The following IL1RAPL1 variants were observed in gnomAD, a reference collection of about 807,000 sequenced individuals.
IL1RAPL1 encodes the protein interleukin 1 receptor accessory protein like 1, also known as interleukin-1 receptor accessory protein-like 1.
In IL1RAPL1, 3 loss-of-function variants were observed where a neutral mutation model predicts 48.4. That is an observed-to-expected ratio of 0.06 (90% CI 0.03 to 0.16). IL1RAPL1 has a LOEUF of 0.16. IL1RAPL1 is among the 10% of genes least tolerant of loss of function. IL1RAPL1 has a pLI of 1.00. For synonymous variants in IL1RAPL1, 185 were observed against 187.7 expected (o/e 0.99, Z 0.12); for missense variants, 349 against 530.6 (o/e 0.66, Z 3.36).
chrX:29,265,740 C>A (rs1485981908), intron 2 of IL1RAPL1, among the ~76,000 whole-genome samples: 1 of 104,174 alleles, frequency 9.6e-6, no homozygotes, highest in Non-Finnish European at 1.9e-5. Flanking sequence ...TTTGTTCTTG[C>A]GATAGTTTAC....
chrX:29,898,304 C>T (rs1335988404), intron 6 of IL1RAPL1, among the ~76,000 whole-genome samples: 5 of 112,126 alleles, frequency 4.5e-5, no homozygotes, highest in Admixed American at 9.4e-5. Context: ...GGCATGGCCA[C>T]GGCAAATGTA....
intron 5 of IL1RAPL1, among the ~76,000 whole-genome samples, chrX:29,421,250 GAAAAAGGAAAA>G (rs944093541): frequency 1.8e-5 from 2 of 111,034 alleles, no homozygotes; most frequent in African/African-American, 6.6e-5. Context: ...GGGCAAAAAG[GAAAAAGGAAAA>G]ACAACACAGC....
intron 2 of IL1RAPL1, among the ~76,000 whole-genome samples, chrX:28,828,824 T>G (rs1920989294): frequency 8.9e-6 from 1 of 111,779 alleles, no homozygotes; most frequent in African/African-American, 3.2e-5. Flanking sequence ...GTTTTTGCTA[T>G]TCTTGGTCGC....
Position 29,602,240 on chromosome X carries a change from T to C in IL1RAPL1, c.704-66190T>C, listed in dbSNP as rs747906489. On this transcript the variant is annotated intron_variant, in intron 5 of 10. Transcript: ENST00000378993. The stretch of plus-strand genomic sequence containing the variant: ...TCATGTGATCCACCTGCCTCGGCCT[T>C]CCAAAGTGCTGGGATTACAGGTGCA... Among the ~76,000 whole-genome samples the C allele has an allele frequency of 5.9e-3, 604 of 103,179 alleles. 86 individuals are homozygous for C. The highest frequency in any genetic ancestry group is 0.025 in the African/African-American group (569 of 22,967). The allele number at this position is 103,179 out of a possible 115,157, so 89.6% of individuals were successfully genotyped here. A position where few individuals can be genotyped will look rare whatever the true frequency, so the allele number is the denominator to read the frequency against.
chrX:29,467,398 G>A (rs980779996), intron 5 of IL1RAPL1, among the ~76,000 whole-genome samples: 1 of 112,500 alleles, frequency 8.9e-6, no homozygotes, highest in African/African-American at 3.2e-5. Flanking sequence ...ATGGTTGACT[G>A]CATGAATTTA....
chrX:29,446,004 C>G (rs1195024028), intron 5 of IL1RAPL1, among the ~76,000 whole-genome samples: 1 of 112,131 alleles, frequency 8.9e-6, no homozygotes, highest in African/African-American at 3.2e-5. Flanking sequence ...ACACGACATA[C>G]TGTAGAAAAC....
At chrX:29,133,097 T>C (rs903934065) in intron 2 of IL1RAPL1, among the ~76,000 whole-genome samples, 1 of 111,314 alleles carries the variant, frequency 9.0e-6, no homozygotes, top group African/African-American at 3.3e-5. Context: ...CTAGGTCAGA[T>C]TTCTAATAGT....
At chrX:29,854,556 G>T (rs1931441569) in intron 6 of IL1RAPL1, among the ~76,000 whole-genome samples, 1 of 111,518 alleles carries the variant, frequency 9.0e-6, no homozygotes, top group Non-Finnish European at 1.9e-5. Context: ...GGGCTGGTCT[G>T]GTTCTGGAAT....
At chrX:29,088,252 A>G (rs1184723055) in intron 2 of IL1RAPL1, among the ~76,000 whole-genome samples, 2 of 112,183 alleles carry the variant, frequency 1.8e-5, no homozygotes, top group African/African-American at 6.5e-5. Context: ...AATATTTTCT[A>G]TGTTGAATTA....
In IL1RAPL1 at chrX:29,859,662, C is replaced by T. The variant is rs184685378; in HGVS notation, c.779-57802C>T. Among the ~76,000 whole-genome samples the T allele has an allele frequency of 2.7e-5, 3 of 112,013 alleles. No individual in the cohort carries two copies. In the Admixed American group the frequency reaches 2.8e-4, roughly 11 times the overall value. On this transcript the variant is annotated intron_variant, in intron 6 of 10. Transcript: ENST00000378993. ...TGTTAAAAATTACTGAAATAAAATA[C>T]TTCTACTTTGAACCAATTTATGAAC...
intron 6 of IL1RAPL1, among the ~76,000 whole-genome samples, chrX:29,790,967 C>T (rs185239679): frequency 6.7e-4 from 75 of 111,218 alleles, no homozygotes; most frequent in African/African-American, 2.3e-3. Flanking sequence ...ACTTCCCTTT[C>T]GGGTCGCGTA....
intron 5 of IL1RAPL1, among the ~76,000 whole-genome samples, chrX:29,499,620 G>T (rs1935251156): frequency 9.0e-6 from 1 of 111,588 alleles, no homozygotes; most frequent in African/African-American, 3.3e-5. Context: ...ACATTTAAAA[G>T]TGGAAGGTTT....
intron 1 of IL1RAPL1, among the ~76,000 whole-genome samples, chrX:28,609,880 TATTTC>T (rs1453023090): frequency 9.0e-6 from 1 of 111,621 alleles, no homozygotes; most frequent in African/African-American, 3.3e-5. Context: ...TTACTGAAAT[TATTTC>T]ATTTGTCTCT....
At chrX:29,783,194 G>A (rs1929402982) in intron 6 of IL1RAPL1, among the ~76,000 whole-genome samples, 1 of 110,526 alleles carries the variant, frequency 9.0e-6, no homozygotes, top group Non-Finnish European at 1.9e-5. Flanking sequence ...GTGAGCCACC[G>A]CGCCCGGCCG....
intron 5 of IL1RAPL1, among the ~76,000 whole-genome samples, chrX:29,480,785 AT>A (rs1472270618): frequency 9.1e-6 from 1 of 110,433 alleles, no homozygotes; most frequent in East Asian, 2.8e-4. Context: ...TTACAAGCTG[AT>A]TTTTTATATA....
chrX:29,302,166 C>G (rs987937822), intron 3 of IL1RAPL1, among the ~76,000 whole-genome samples: 1 of 111,614 alleles, frequency 9.0e-6, no homozygotes, highest in African/African-American at 3.3e-5. Context: ...GAAAATTATT[C>G]TATATATTCA....
At chrX:29,262,750 A>C (rs1290220350) in intron 2 of IL1RAPL1, among the ~76,000 whole-genome samples, 1 of 111,555 alleles carries the variant, frequency 9.0e-6, no homozygotes, top group Admixed American at 9.6e-5. Context: ...TAGAGGTGAA[A>C]CCTTTTCCCA....
At chrX:28,973,563 G>A (rs1925134809) in intron 2 of IL1RAPL1, among the ~76,000 whole-genome samples, 2 of 111,738 alleles carry the variant, frequency 1.8e-5, no homozygotes, top group African/African-American at 6.5e-5. Context: ...TGTTTGATTG[G>A]ACTTTCTCTG....
rs138573031 is a variant in IL1RAPL1 at position 29,664,554 on chromosome X, G to A, written c.704-3876G>A. ...AATAGTATTTGAGGGATTAGTATGT[G>A]AAGGATTAAAATTAACTTTTAAAGG... is the stretch of plus-strand genomic sequence containing the variant. On this transcript the variant is annotated intron_variant, in intron 5 of 10. Transcript: ENST00000378993. Among the ~76,000 whole-genome samples the A allele has an allele frequency of 3.8e-3, 421 of 111,780 alleles. 5 individuals are homozygous for A. Among genetic ancestry groups the A allele is most frequent in the East Asian group, 0.031 (112 of 3,570 alleles).
Sources: allele counts gnomAD v4.1 joint callset (sites outside exome capture counted in the v4.1 genomes callset), GRCh38; gene constraint gnomAD v4.1.1; transcripts MANE v1.5; gene names NCBI Gene and HGNC (gene_info 2026-07-23, HGNC 2026-07-21).